THNSL2: variants seen among roughly 807,000 people sequenced by gnomAD.
THNSL2 encodes threonine synthase-like 2.
A neutral mutation model predicts 40.0 loss-of-function variants in THNSL2; 34 were observed. That is an observed-to-expected ratio of 0.85 (90% CI 0.65 to 1.13). The LOEUF (loss-of-function observed/expected upper bound fraction) is 1.13. Ranked by LOEUF, THNSL2 falls within the 50% of genes most tolerant of loss-of-function variation. The pLI is 0.00. For synonymous variants in THNSL2, 241 were observed against 247.5 expected, an observed-to-expected ratio of 0.97 and a Z score of 0.25; for missense variants, 537 against 608.8, an observed-to-expected ratio of 0.88 and a Z score of 1.24.
chr2:88,171,639 C>T (rs1676391340), intron 1 of THNSL2: 1 of 195,556 alleles, frequency 5.1e-6, no homozygotes, highest in Admixed American at 5.6e-5. Context: ...AAATTCCTCT[C>T]TTTATTGAGG....
At chr2:88,184,519 CTT>C (rs1678043856) in intron 7 of THNSL2, among the ~76,000 whole-genome samples, 1 of 151,984 alleles carries the variant, frequency 6.6e-6, no homozygotes. Context: ...AATCCCAGAA[CTT>C]TGGGAGGCTG....
rs774244897 is a variant in THNSL2 at position 88,174,685 on chromosome 2, C to T, written c.270C>T (p.Val90=). The T allele has an allele frequency of 6.2e-7, 1 of 1,614,032 alleles. No individual in the cohort carries two copies. The highest frequency in any genetic ancestry group is 2.2e-5 in the East Asian group (1 of 44,890). The change falls in exon 3 of 9, where the codon GTC becomes GTT. Residue 90 remains valine, a synonymous_variant. Coordinates refer to ENST00000674334, the MANE Select transcript of THNSL2 (RefSeq NM_018271.5). Reference sequence around the variant, plus strand: ...GCAGATTCCGTCACAGAGAAGTGGTCCATCTGTCCAGGTTGAGGAATGGGC... The same window carrying T: ...GCAGATTCCGTCACAGAGAAGTGGTTCATCTGTCCAGGTTGAGGAATGGGC... ...AFSRFRHREV[V]HLSRLRNGLN...
intron 5 of THNSL2, among the ~76,000 whole-genome samples, chr2:88,182,164 T>G (rs1441176829): frequency 6.6e-6 from 1 of 152,238 alleles, no homozygotes; most frequent in Non-Finnish European, 1.5e-5. Flanking sequence ...TAACTCTGTT[T>G]AATATTTTAA....
intron 1 of THNSL2, chr2:88,171,992 G>A (rs1441566227): frequency 6.6e-6 from 1 of 152,360 alleles, no homozygotes; most frequent in African/African-American, 2.4e-5. Flanking sequence ...ACTAGGAAAT[G>A]AGAATTCCTC....
rs1161493596 is a variant in THNSL2 at position 88,175,718 on chromosome 2, CAG to C, written c.571+320_571+321del. The C allele has an allele frequency of 1.2e-4, 33 of 281,772 alleles. 1 individual carries two copies. Among genetic ancestry groups the C allele is most frequent in the Admixed American group, 1.9e-4 (4 of 21,020 alleles). The allele number at this position is 281,772 out of a possible 1,614,324, so 17.5% of individuals were successfully genotyped here. On this transcript the variant is annotated intron_variant, in intron 4 of 8. Transcript: ENST00000674334. ...AGTGTCATGTATGTCAGCAACCATG[CAG>C]AGTCATAACCTGAGCCAAGTGATTT...
chr2:88,185,367 G>T lies in THNSL2; in HGVS notation c.1117G>T (p.Ala373Ser), dbSNP rs1239285656. ...GACATCCGTGTCAGTGTCGGATGAA[G>T]CCATCACCCAGACCATGGGCCGCTG... is the stretch of plus-strand genomic sequence containing the variant. ...AVTSVSVSDEAITQTMGRCWD... is the reference protein window; with the variant it reads ...AVTSVSVSDESITQTMGRCWD... The change falls in exon 8 of 9, where the codon GCC becomes TCC. Residue 373 changes from alanine to serine, a missense_variant. Physicochemically the swap from Ala to Ser is moderately conservative, Grantham distance 99. Transcript: ENST00000674334. 1 of 1,614,016 alleles carries T rather than the reference G, an allele frequency of 6.2e-7. No individual in the cohort carries two copies. Among genetic ancestry groups the T allele is most frequent in the East Asian group, 2.2e-5 (1 of 44,860 alleles).
chr2:88,173,501 T>C (rs1375101177), intron 2 of THNSL2, 128 bp downstream of exon 2: 1 of 634,118 alleles, frequency 1.6e-6, no homozygotes, highest in African/African-American at 1.9e-5. Flanking sequence ...TTTTATTTCT[T>C]TTCCTGACTC....
chr2:88,186,251 G>T lies in THNSL2; in HGVS notation c.*128G>T. ...GGGAGGCTGCTCAGCTGGATCTGGA[G>T]CCAGCTGGCTTTGCTCCGTTCCCTG... On this transcript the variant is annotated 3_prime_UTR_variant, in exon 9 of 9. Coordinates refer to ENST00000674334, the MANE Select transcript of THNSL2 (RefSeq NM_018271.5). The T allele has an allele frequency of 3.2e-6, 3 of 946,764 alleles. No individual in the cohort carries two copies. Among genetic ancestry groups the T allele is most frequent in the Non-Finnish European group, 4.8e-6 (3 of 621,782 alleles). The allele number at this position is 946,764 out of a possible 1,614,324, so 58.6% of individuals were successfully genotyped here.
In THNSL2 at chr2:88,186,093, G is replaced by A. The variant is rs1285809704; in HGVS notation, c.1425G>A (p.Trp475Ter). The change falls in exon 9 of 9, where the codon TGG (tryptophan) becomes TGA (stop). Residue 475 changes from tryptophan (W) to a stop codon, truncating the protein, a stop_gained. Transcript: ENST00000674334. LOFTEE classifies it low-confidence loss of function (END_TRUNC). Reference sequence around the variant, plus strand: ...CCATTGAGGACCTTAGCCGACAGTGGAGGAGTCATGCCCTCAACACCTCCC... The same window carrying A: ...CCATTGAGGACCTTAGCCGACAGTGAAGGAGTCATGCCCTCAACACCTCCC... ...RDTIEDLSRQWRSHALNTSQ is the reference protein window; with the variant it reads ...RDTIEDLSRQ 1 of 1,560,886 alleles carries A rather than the reference G, an allele frequency of 6.4e-7. No homozygotes were observed.
At chr2:88,174,508 T>C in intron 2 of THNSL2, 131 bp from the exon 3 acceptor site, 1 of 862,682 alleles carries the variant, frequency 1.2e-6, no homozygotes, top group South Asian at 2.0e-5. Context: ...TATTCAAAAA[T>C]GGTATCATTT....
chr2:88,183,279 A>T, intron 7 of THNSL2: 1 of 590,992 alleles, frequency 1.7e-6, no homozygotes, highest in South Asian at 3.2e-5. Context: ...AATGAGCTCA[A>T]TCCCAAGTGA....
At chr2:88,174,932 A>G (rs956937623) in intron 3 of THNSL2, 99 bp downstream of exon 3, 9 of 1,380,552 alleles carry the variant, frequency 6.5e-6, no homozygotes, top group Non-Finnish European at 9.0e-6. Context: ...GAACTGTGGT[A>G]CTGGTTCTTC....
chr2:88,178,658 C>T lies in THNSL2; in HGVS notation c.572-125C>T. The T allele has an allele frequency of 3.3e-6, 3 of 903,018 alleles. No homozygotes were observed. In the South Asian group the frequency reaches 4.6e-5, roughly 14 times the overall value. The allele number at this position is 903,018 out of a possible 1,614,324, so 55.9% of individuals were successfully genotyped here. A position where few individuals can be genotyped will look rare whatever the true frequency, so the allele number is the denominator to read the frequency against. On this transcript the variant is annotated intron_variant, in intron 4 of 8. Transcript: ENST00000674334. ...GCCAAGCTACGTGAAAGTAAAGAAA[C>T]CTAGGCTGCGCGAAGGTCCCAGGAG...
At chr2:88,171,173 T>C in intron 1 of THNSL2, 4 of 411,840 alleles carry the variant, frequency 9.7e-6, no homozygotes, top group South Asian at 6.9e-5. Context: ...CTCCTGTGGT[T>C]GCTATTTCCG....
At chr2:88,177,720 C>T (rs1049106086) in intron 4 of THNSL2, among the ~76,000 whole-genome samples, 1 of 152,220 alleles carries the variant, frequency 6.6e-6, no homozygotes, top group Admixed American at 6.5e-5. Context: ...AACCAGGTCT[C>T]TCCCTTCCTG....
At chr2:88,179,287 G>C (rs1381390776) in intron 5 of THNSL2, among the ~76,000 whole-genome samples, 1 of 152,232 alleles carries the variant, frequency 6.6e-6, no homozygotes, top group Non-Finnish European at 1.5e-5. Flanking sequence ...GCAGAGTGTG[G>C]AGAGGCAAGG....
At chr2:88,173,525 T>A (rs1206824545) in intron 2 of THNSL2, 152 bp downstream of exon 2, 1 of 540,694 alleles carries the variant, frequency 1.8e-6, no homozygotes. Context: ...AATCCCAGAA[T>A]TGAAAATATT....
chr2:88,184,556 G>A (rs1423631051), intron 7 of THNSL2, among the ~76,000 whole-genome samples: 3 of 151,804 alleles, frequency 2.0e-5, no homozygotes, highest in African/African-American at 7.3e-5. Context: ...TTTGAGGTCA[G>A]GAGTTTGAGA....
Position 88,186,181 on chromosome 2 carries a change from CT to C in THNSL2, c.*59del. 1 of 1,490,448 alleles carries C rather than the reference CT, an allele frequency of 6.7e-7. No individual in the cohort carries two copies. Among genetic ancestry groups the C allele is most frequent in the Non-Finnish European group, 9.2e-7 (1 of 1,092,634 alleles). The allele number at this position is 1,490,448 out of a possible 1,614,324, so 92.3% of individuals were successfully genotyped here. ...ATCCCAGGAAGATGCACCTTCTGAGCTGCCTTGTGCACCCTCCCCATTAAGC... is the reference window on the plus strand; with the variant it reads ...ATCCCAGGAAGATGCACCTTCTGAGCGCCTTGTGCACCCTCCCCATTAAGC... On this transcript the variant is annotated 3_prime_UTR_variant, in exon 9 of 9. Transcript: ENST00000674334.
Sources: allele counts gnomAD v4.1 joint callset (sites outside exome capture counted in the v4.1 genomes callset), GRCh38; gene constraint gnomAD v4.1.1; transcripts MANE v1.5; gene names NCBI Gene and HGNC (gene_info 2026-07-23, HGNC 2026-07-21).